ARHGEF9: variants seen among roughly 807,000 people sequenced by gnomAD.
The protein encoded by ARHGEF9 is Cdc42 guanine nucleotide exchange factor 9.
A neutral mutation model predicts 41.3 loss-of-function variants in ARHGEF9; 2 were observed. That is an observed-to-expected ratio of 0.05 (90% CI 0.02 to 0.15). The LOEUF (loss-of-function observed/expected upper bound fraction) is 0.15. ARHGEF9 is among the 10% of genes least tolerant of loss of function. The pLI is 1.00. For missense variants in ARHGEF9, 225 were observed against 424.7 expected (o/e 0.53, Z 4.13); for synonymous variants, 160 against 154.4 (o/e 1.04, Z -0.27).
intron 1 of ARHGEF9, among the ~76,000 whole-genome samples, chrX:63,782,778 T>G (rs782547428): frequency 8.9e-6 from 1 of 112,158 alleles, no homozygotes; most frequent in Non-Finnish European, 1.9e-5. Context: ...CTAGTTAAAT[T>G]TTATCCAACA....
chrX:63,777,422 C>G (rs1252274904), intron 1 of ARHGEF9, among the ~76,000 whole-genome samples: 1 of 110,635 alleles, frequency 9.0e-6, no homozygotes, highest in Admixed American at 9.6e-5. Flanking sequence ...GGGGACACAG[C>G]CAAACCATAG....
intron 4 of ARHGEF9, among the ~76,000 whole-genome samples, chrX:63,680,166 C>G (rs2050526366): frequency 2.7e-5 from 3 of 111,981 alleles, no homozygotes; most frequent in Admixed American, 9.5e-5. Context: ...GGAAATATCG[C>G]CTTCCTTTCT....
At chrX:63,646,307 G>A (rs1556314276) in intron 8 of ARHGEF9, among the ~76,000 whole-genome samples, 1 of 111,972 alleles carries the variant, frequency 8.9e-6, no homozygotes, top group African/African-American at 3.2e-5. Flanking sequence ...CCTTGCCCAT[G>A]CGTATGTCCC....
intron 4 of ARHGEF9, among the ~76,000 whole-genome samples, chrX:63,691,297 G>A (rs183566994): frequency 9.0e-6 from 1 of 111,118 alleles, no homozygotes; most frequent in Non-Finnish European, 1.9e-5. Context: ...AAAGTTGCAG[G>A]ATACAAAATC....
chrX:63,769,629 G>A (rs782515970), intron 1 of ARHGEF9, among the ~76,000 whole-genome samples: 32 of 111,255 alleles, frequency 2.9e-4, no homozygotes, highest in Non-Finnish European at 4.9e-4. Flanking sequence ...TCTTGGGCCG[G>A]GCCCAGGGTC....
intron 3 of ARHGEF9, among the ~76,000 whole-genome samples, chrX:63,703,446 C>A (rs1463886083): frequency 2.7e-5 from 3 of 112,147 alleles, no homozygotes; most frequent in African/African-American, 9.7e-5. Flanking sequence ...ATCTGTTGAT[C>A]TAGAAAATAG....
intron 2 of ARHGEF9, among the ~76,000 whole-genome samples, chrX:63,709,448 T>C (rs782221816): frequency 8.9e-6 from 1 of 112,130 alleles, no homozygotes; most frequent in Non-Finnish European, 1.9e-5. Context: ...TTGGAGACAA[T>C]CTCTGGTCTT....
intron 1 of ARHGEF9, among the ~76,000 whole-genome samples, chrX:63,753,979 A>G (rs2055817251): frequency 8.9e-6 from 1 of 111,908 alleles, no homozygotes; most frequent in Admixed American, 9.5e-5. Flanking sequence ...AATATTCATC[A>G]TGCTCTTCCA....
intron 6 of ARHGEF9, among the ~76,000 whole-genome samples, chrX:63,667,541 C>G (rs1329144036): frequency 1.8e-5 from 2 of 110,818 alleles, no homozygotes; most frequent in African/African-American, 3.3e-5. Context: ...GACCTTTATA[C>G]CTCCCAGAAA....
intron 5 of ARHGEF9, among the ~76,000 whole-genome samples, chrX:63,674,512 T>C (rs1373880014): frequency 2.7e-5 from 3 of 111,957 alleles, no homozygotes; most frequent in African/African-American, 9.8e-5. Flanking sequence ...AGAGCCACAC[T>C]TTCTTACAGA....
intron 1 of ARHGEF9, chrX:63,755,163 G>T (rs368706185): frequency 1.1e-6 from 1 of 938,710 alleles, no homozygotes; most frequent in South Asian, 5.9e-5. Context: ...TTCACCGAGC[G>T]ACTGCGGGCG....
intron 1 of ARHGEF9, among the ~76,000 whole-genome samples, chrX:63,783,273 ATTT>A (rs782452167): frequency 2.1e-5 from 2 of 96,477 alleles, no homozygotes; most frequent in Non-Finnish European, 2.1e-5. Flanking sequence ...TTTTCGGGTA[ATTT>A]TTTTTTTTTT....
At chrX:63,679,432 A>G (rs2050477318) in intron 4 of ARHGEF9, among the ~76,000 whole-genome samples, 1 of 111,782 alleles carries the variant, frequency 8.9e-6, no homozygotes, top group African/African-American at 3.2e-5. Flanking sequence ...AAATATTTAT[A>G]AAACCCAAGA....
intron 1 of ARHGEF9, chrX:63,755,079 G>T (rs1407746374): frequency 7.5e-6 from 7 of 937,328 alleles, no homozygotes; most frequent in East Asian, 4.2e-5. Flanking sequence ...CCAGACACTC[G>T]TTCGATCCCT....
chrX:63,744,204 G>T (rs1325061518), intron 1 of ARHGEF9, among the ~76,000 whole-genome samples: 1 of 112,324 alleles, frequency 8.9e-6, no homozygotes, highest in Non-Finnish European at 1.9e-5. Flanking sequence ...CCACAGTTCT[G>T]CCTGAACTGA....
At chrX:63,767,997 T>G (rs1556452696) in intron 1 of ARHGEF9, among the ~76,000 whole-genome samples, 2 of 112,353 alleles carry the variant, frequency 1.8e-5, no homozygotes, top group African/African-American at 6.5e-5. Context: ...TTTTCTTTAT[T>G]TCAGTAGCTT....
In ARHGEF9 at chrX:63,729,098, G is replaced by A. The variant is rs560341871; in HGVS notation, c.31-4387C>T. On this transcript the variant is annotated intron_variant, in intron 1 of 9. Coordinates refer to ENST00000671741, the MANE Select transcript of ARHGEF9 (RefSeq NM_001353921.2). ...GGGTGCAAACGTCAATTAAAGCATAGGACAAATTAGGAGGAAATATTGGCT... is the reference window on the plus strand; with the variant it reads ...GGGTGCAAACGTCAATTAAAGCATAAGACAAATTAGGAGGAAATATTGGCT... 7.2e-5 allele frequency among the ~76,000 whole-genome samples: 8 copies of A among 111,811 alleles called. No homozygotes were observed. In the East Asian group the frequency reaches 2.3e-3, roughly 31 times the overall value.
chrX:63,749,515 G>A (rs1336164746), intron 1 of ARHGEF9, among the ~76,000 whole-genome samples: 2 of 112,489 alleles, frequency 1.8e-5, no homozygotes, highest in Non-Finnish European at 3.8e-5. Flanking sequence ...ACAGGCGTGA[G>A]CCACCACGTC....
intron 1 of ARHGEF9, among the ~76,000 whole-genome samples, chrX:63,738,590 C>T (rs1222776820): frequency 1.2e-4 from 13 of 110,440 alleles, no homozygotes; most frequent in Admixed American, 9.7e-4. Context: ...ACTTCCCTGC[C>T]CCACTGCTTA....
Sources: gnomAD v4.1 joint callset for allele counts (sites outside exome capture counted in the v4.1 genomes callset) on GRCh38, gnomAD v4.1.1 for gene constraint, MANE v1.5 for transcripts, NCBI Gene and HGNC (gene_info 2026-07-23, HGNC 2026-07-21) for gene names.